KCNMA1: variants seen among roughly 807,000 people sequenced by gnomAD.
KCNMA1 encodes the protein potassium calcium-activated channel subfamily M alpha 1.
KCNMA1 carries 29 observed loss-of-function variants against 140.0 expected under a neutral mutation model. That is an observed-to-expected ratio of 0.21 (90% confidence interval 0.15 to 0.28). The LOEUF is 0.28. Among genes scored for constraint, KCNMA1 ranks in the 10% least tolerant of loss-of-function variants. KCNMA1 has a pLI of 1.00. For missense variants in KCNMA1, 880 were observed against 1,602.2 expected (o/e 0.55, Z 7.70); for synonymous variants, 612 against 611.9 (o/e 1.00, Z 0.00).
intron 9 of KCNMA1, among the ~76,000 whole-genome samples, chr10:77,094,712 T>C (rs747283086): frequency 6.6e-6 from 1 of 152,146 alleles, no homozygotes; most frequent in Non-Finnish European, 1.5e-5. Flanking sequence ...ATTTTATTTA[T>C]TTTTTAGAGA....
intron 1 of KCNMA1, among the ~76,000 whole-genome samples, chr10:77,608,609 G>A (rs16935144): frequency 0.012 from 1,862 of 152,228 alleles, 15 homozygotes; most frequent in East Asian, 0.032. Flanking sequence ...GTGTGTAAGA[G>A]GGGATTATCT....
At chr10:77,598,029 T>C (rs1287160676) in intron 1 of KCNMA1, among the ~76,000 whole-genome samples, 1 of 152,228 alleles carries the variant, frequency 6.6e-6, no homozygotes, top group East Asian at 1.9e-4. Context: ...TGGAGTGCAG[T>C]GGCGCGATCT....
At chr10:76,945,455 G>A (rs2063662417) in intron 22 of KCNMA1, among the ~76,000 whole-genome samples, 1 of 152,172 alleles carries the variant, frequency 6.6e-6, no homozygotes, top group Admixed American at 6.5e-5. Flanking sequence ...TGGCCAGTGA[G>A]CACAGAGTGA....
In KCNMA1 at chr10:77,559,428, T is replaced by C. The variant is rs558508325; in HGVS notation, c.378+77837A>G. ...GCAGCTGTGTAATTGTGAAATGCTT[T>C]GAATATCCTCCCCACACGGGCCCAG... On this transcript the variant is annotated intron_variant, in intron 1 of 27. Transcript: ENST00000286628. Among the ~76,000 whole-genome samples the C allele has an allele frequency of 5.5e-4, 83 of 152,240 alleles. 1 individual carries two copies. The highest frequency in any genetic ancestry group is 4.6e-3 in the Admixed American group (70 of 15,292).
intron 1 of KCNMA1, among the ~76,000 whole-genome samples, chr10:77,437,977 A>C (rs148886665): frequency 0.011 from 1,610 of 152,206 alleles, 25 homozygotes; most frequent in African/African-American, 0.036. Context: ...TGCAGCTGCT[A>C]CCCAGACCTA....
At chr10:77,112,039 T>A (rs955431266) in intron 7 of KCNMA1, among the ~76,000 whole-genome samples, 1 of 152,332 alleles carries the variant, frequency 6.6e-6, no homozygotes, top group East Asian at 1.9e-4. Flanking sequence ...CCAGACCTTT[T>A]CCAGGTGTTT....
chr10:77,443,561 C>T (rs1417024530), intron 1 of KCNMA1, among the ~76,000 whole-genome samples: 4 of 152,106 alleles, frequency 2.6e-5, no homozygotes, highest in African/African-American at 7.2e-5. Flanking sequence ...CATTGGCTCT[C>T]GTGGAACATG....
intron 12 of KCNMA1, among the ~76,000 whole-genome samples, chr10:77,081,387 A>G (rs1160197593): frequency 6.6e-6 from 1 of 152,232 alleles, no homozygotes; most frequent in Admixed American, 6.5e-5. Context: ...CAAGTCTGTC[A>G]GAAGTGACAT....
downstream of KCNMA1, among the ~76,000 whole-genome samples, chr10:76,883,769 T>C (rs931098062): frequency 2.1e-5 from 3 of 144,406 alleles, no homozygotes; most frequent in Non-Finnish European, 1.5e-5. Context: ...GGAAGAGATA[T>C]AATAATAAGA....
intron 2 of KCNMA1, among the ~76,000 whole-genome samples, chr10:77,341,214 G>A (rs972498570): frequency 6.6e-6 from 1 of 152,198 alleles, no homozygotes; most frequent in African/African-American, 2.4e-5. Flanking sequence ...TTGTTGCAAA[G>A]ATTAAATGAG....
intron 19 of KCNMA1, among the ~76,000 whole-genome samples, chr10:76,984,642 G>C (rs1475847576): frequency 6.6e-6 from 1 of 152,196 alleles, no homozygotes; most frequent in African/African-American, 2.4e-5. Flanking sequence ...TGTGTAAATA[G>C]ATATTAGATT....
At chr10:77,518,408 T>A (rs2051393208) in intron 1 of KCNMA1, among the ~76,000 whole-genome samples, 1 of 152,218 alleles carries the variant, frequency 6.6e-6, no homozygotes, top group African/African-American at 2.4e-5. Context: ...CCACTTCTTG[T>A]TCCTTTGGGT....
chr10:76,890,970 T>A (rs2151851553), intron 26 of KCNMA1, among the ~76,000 whole-genome samples: 1 of 152,346 alleles, frequency 6.6e-6, no homozygotes. Context: ...CTGACTACCC[T>A]GGTGCTTTGA....
chr10:77,091,397 C>G (rs752352649), intron 9 of KCNMA1: 4 of 152,250 alleles, frequency 2.6e-5, no homozygotes, highest in Admixed American at 6.5e-5. Context: ...CCTCCAACCG[C>G]TCGGGGCTCC....
chr10:77,637,694 C>G lies in KCNMA1; in HGVS notation c.-52G>C, dbSNP rs1250852068. On this transcript the variant is annotated 5_prime_UTR_variant, in exon 1 of 28. Coordinates refer to ENST00000286628, the MANE Select transcript of KCNMA1 (RefSeq NM_001161352.2). Reference sequence around the variant, plus strand: ...GGCTCGGGGGAGCTCCTCCCGCCGCCAGCGCCACCCCAAACACCCATCAAC... The same window carrying G: ...GGCTCGGGGGAGCTCCTCCCGCCGCGAGCGCCACCCCAAACACCCATCAAC... 14 of 1,439,770 alleles carry G rather than the reference C, an allele frequency of 9.7e-6. No individual in the cohort carries two copies. The highest frequency in any genetic ancestry group is 1.2e-5 in the Non-Finnish European group (13 of 1,109,262). The allele number at this position is 1,439,770 out of a possible 1,614,324, so 89.2% of individuals were successfully genotyped here. A position where few individuals can be genotyped will look rare whatever the true frequency, so the allele number is the denominator to read the frequency against.
chr10:77,568,582 T>A (rs1224033171), intron 1 of KCNMA1, among the ~76,000 whole-genome samples: 18 of 151,680 alleles, frequency 1.2e-4, no homozygotes, highest in African/African-American at 4.1e-4. Context: ...ATGGGACGTA[T>A]CTCAAAATAA....
chr10:76,888,390 A>T (rs1186654844), intron 27 of KCNMA1: 1 of 152,200 alleles, frequency 6.6e-6, no homozygotes, highest in Non-Finnish European at 1.5e-5. Context: ...ATGTTTACAT[A>T]ATTTAAAATA....
intron 1 of KCNMA1, among the ~76,000 whole-genome samples, chr10:77,516,069 T>A (rs947619158): frequency 6.6e-6 from 1 of 152,186 alleles, no homozygotes; most frequent in South Asian, 2.1e-4. Context: ...ACCAGGTGCA[T>A]GCGAAGGGTG....
At chr10:77,061,721 G>T (rs1362985872) in intron 14 of KCNMA1, among the ~76,000 whole-genome samples, 2 of 152,202 alleles carry the variant, frequency 1.3e-5, no homozygotes, top group Non-Finnish European at 2.9e-5. Context: ...TATATCGACT[G>T]TATTCATGAT....
Sources: gnomAD v4.1 joint callset for allele counts (sites outside exome capture counted in the v4.1 genomes callset) on GRCh38, gnomAD v4.1.1 for gene constraint, MANE v1.5 for transcripts, NCBI Gene and HGNC (gene_info 2026-07-23, HGNC 2026-07-21) for gene names.